Variants in NDST3 observed in about 807,000 individuals in gnomAD.
NDST3 encodes the protein N-deacetylase and N-sulfotransferase 3.
A neutral mutation model predicts 96.1 loss-of-function variants in NDST3; 58 were observed. The ratio of observed to expected loss-of-function variants is 0.60; its 90% CI spans 0.49 to 0.75. The LOEUF is 0.75. NDST3 is among the 30% of genes least tolerant of loss of function. NDST3 has a pLI of 0.00. For missense variants in NDST3, 788 were observed against 1,034.2 expected, an observed-to-expected ratio of 0.76 and a Z score of 3.27; for synonymous variants, 333 against 359.7, an observed-to-expected ratio of 0.93 and a Z score of 0.84.
chr4:118,197,739 C>G (rs1399068451), intron 6 of NDST3, among the ~76,000 whole-genome samples: 1 of 148,296 alleles, frequency 6.7e-6, no homozygotes, highest in Non-Finnish European at 1.5e-5. Flanking sequence ...ATCATTGGGT[C>G]TCAGTTTTTG....
In NDST3 at chr4:118,237,513, C is replaced by G. The variant is rs541735967; in HGVS notation, c.2118+293C>G. 1.3e-4 allele frequency among the ~76,000 whole-genome samples: 20 copies of G among 152,128 alleles called. No individual in the cohort carries two copies. In the South Asian group the frequency reaches 3.7e-3, roughly 28 times the overall value. On this transcript the variant is annotated intron_variant, in intron 10 of 13. Coordinates refer to ENST00000296499, the MANE Select transcript of NDST3 (RefSeq NM_004784.3). The stretch of plus-strand genomic sequence containing the variant: ...TATGTACTTTTTTATATCTATGCCT[C>G]TATATATCTGCATTTTAAGGTAATA...
Position 118,143,685 on chromosome 4 carries a change from G to A in NDST3, c.1539+1G>A, listed in dbSNP as rs535128415. 3 of 1,582,372 alleles carry A rather than the reference G, an allele frequency of 1.9e-6. No individual in the cohort carries two copies. The highest frequency in any genetic ancestry group is 2.8e-5 in the African/African-American group (2 of 72,592). ...TTTCTTCACTGTCGTCCTCAACCCT[G>A]TAAGTACTTTATTCTCCAAATAAAT... On this transcript the variant is annotated splice_donor_variant, in intron 6 of 13. Transcript: ENST00000296499. LOFTEE classifies it high-confidence loss of function.
intron 2 of NDST3, among the ~76,000 whole-genome samples, chr4:118,080,527 C>G (rs1239067955): frequency 6.6e-6 from 1 of 152,098 alleles, no homozygotes; most frequent in Non-Finnish European, 1.5e-5. Context: ...TTATTTCACT[C>G]TTTATTTTTA....
intron 1 of NDST3, among the ~76,000 whole-genome samples, chr4:118,049,677 T>A (rs7662255): frequency 0.64 from 96,515 of 150,792 alleles, 34,194 homozygotes; most frequent in South Asian, 0.83. Context: ...TCATTAAGAG[T>A]TTGAAACTCT....
Position 118,240,507 on chromosome 4 carries a change from C to G in NDST3, c.2119-17C>G, listed in dbSNP as rs1303305204. 1 of 1,571,686 alleles carries G rather than the reference C, an allele frequency of 6.4e-7. No individual in the cohort carries two copies. The highest frequency in any genetic ancestry group is 8.7e-7 in the Non-Finnish European group (1 of 1,156,002). The stretch of plus-strand genomic sequence containing the variant: ...CTACGGTTCAGATTAGTTTAATTAT[C>G]CACCTTTTCATCATAGCATCAGCGA... On this transcript the variant is annotated splice_polypyrimidine_tract_variant and intron_variant, in intron 10 of 13. Coordinates refer to ENST00000296499, the MANE Select transcript of NDST3 (RefSeq NM_004784.3).
chr4:118,142,307 T>A (rs1733628806), intron 5 of NDST3, among the ~76,000 whole-genome samples: 1 of 151,920 alleles, frequency 6.6e-6, no homozygotes, highest in South Asian at 2.1e-4. Flanking sequence ...TATATAGAGT[T>A]TTTATTTATG....
chr4:118,081,651 T>C (rs185352708), intron 2 of NDST3, among the ~76,000 whole-genome samples: 95 of 152,270 alleles, frequency 6.2e-4, no homozygotes, highest in African/African-American at 2.2e-3. Flanking sequence ...CCCCAGAGGA[T>C]GAACTGTGCT....
chr4:118,068,738 G>A (rs1234100285), intron 2 of NDST3, among the ~76,000 whole-genome samples: 1 of 151,940 alleles, frequency 6.6e-6, no homozygotes, highest in Non-Finnish European at 1.5e-5. Context: ...ATGAAGACCT[G>A]GGTCCTATTA....
intron 8 of NDST3, among the ~76,000 whole-genome samples, chr4:118,229,004 A>T (rs1180114313): frequency 6.6e-6 from 1 of 152,222 alleles, no homozygotes; most frequent in Non-Finnish European, 1.5e-5. Flanking sequence ...TACTTTTGTC[A>T]AAAGTATTTT....
chr4:118,059,926 T>A (rs1056519535), intron 2 of NDST3, among the ~76,000 whole-genome samples: 4 of 152,186 alleles, frequency 2.6e-5, no homozygotes, highest in African/African-American at 9.6e-5. Context: ...TCTTATTTAC[T>A]GATATTCATT....
intron 2 of NDST3, among the ~76,000 whole-genome samples, chr4:118,070,469 C>G (rs1485802057): frequency 6.6e-6 from 1 of 152,014 alleles, no homozygotes; most frequent in East Asian, 1.9e-4. Context: ...CATTATCCAT[C>G]TGTTATATAA....
chr4:118,043,368 T>C (rs1724579000), intron 1 of NDST3, among the ~76,000 whole-genome samples: 1 of 152,242 alleles, frequency 6.6e-6, no homozygotes, highest in South Asian at 2.1e-4. Flanking sequence ...AGTGGTGCAA[T>C]GATAGGCAAA....
chr4:118,036,351 C>T (rs1724149314), intron 1 of NDST3, among the ~76,000 whole-genome samples: 1 of 152,044 alleles, frequency 6.6e-6, no homozygotes, highest in African/African-American at 2.4e-5. Flanking sequence ...GATTTATATA[C>T]ACTATAAAAT....
chr4:118,186,873 T>G (rs79185872), intron 6 of NDST3, among the ~76,000 whole-genome samples: 7,266 of 152,278 alleles, frequency 0.048, 249 homozygotes, highest in South Asian at 0.078. Flanking sequence ...GTCACACATT[T>G]CTTTAAGCTT....
intron 2 of NDST3, among the ~76,000 whole-genome samples, chr4:118,099,701 G>A (rs931350727): frequency 1.3e-5 from 2 of 152,020 alleles, no homozygotes; most frequent in African/African-American, 4.8e-5. Context: ...GTGTAGGTAG[G>A]TCAAATAGTA....
chr4:118,033,331 G>GC (rs1723977389), upstream of NDST3, among the ~76,000 whole-genome samples: 1 of 152,156 alleles, frequency 6.6e-6, no homozygotes, highest in Non-Finnish European at 1.5e-5. Context: ...CACCCTTCCA[G>GC]CGTCGCCTCG....
chr4:118,054,109 G>A lies in NDST3; in HGVS notation c.199G>A (p.Ala67Thr), dbSNP rs756374866. 21 of 1,612,906 alleles carry A rather than the reference G, an allele frequency of 1.3e-5. No individual in the cohort carries two copies. The highest frequency in any genetic ancestry group is 5.5e-5 in the South Asian group (5 of 91,020). ...ACCATATCAACTAATGGAAGTGAAAGCAATGAAGCTTTTTGATGCCTCAAG... is the reference window on the plus strand; with the variant it reads ...ACCATATCAACTAATGGAAGTGAAAACAATGAAGCTTTTTGATGCCTCAAG... Reference protein sequence around the residue: ...HLPYQLMEVKAMKLFDASRTD... With the variant: ...HLPYQLMEVKTMKLFDASRTD... Residue 67 changes from alanine (A) to threonine (T), a missense_variant, in exon 2 of 14, where the codon GCA (alanine) becomes ACA (threonine). Physicochemically the swap from Ala to Thr is moderately conservative, Grantham distance 58 (BLOSUM62 0). Around this residue, in one of 3 missense-constraint regions of NDST3, gnomAD observed 234 missense variants for 256.9 expected, o/e 0.91. Transcript: ENST00000296499.
intron 6 of NDST3, among the ~76,000 whole-genome samples, chr4:118,153,778 C>T (rs561904869): frequency 5.3e-5 from 8 of 152,116 alleles, no homozygotes; most frequent in Admixed American, 2.0e-4. Context: ...GAGCCGAAAT[C>T]GCACCACTGC....
chr4:118,235,577 GCT>G (rs1740585785), intron 9 of NDST3, among the ~76,000 whole-genome samples: 1 of 152,136 alleles, frequency 6.6e-6, no homozygotes, highest in Non-Finnish European at 1.5e-5. Context: ...TAAAATTTCT[GCT>G]CTTTTGTGTG....
Sources: gnomAD v4.1 joint callset for allele counts (sites outside exome capture counted in the v4.1 genomes callset) on GRCh38, gnomAD v4.1.1 for gene constraint, gnomAD v4.1.1 regional missense constraint, MANE v1.5 for transcripts, NCBI Gene and HGNC (gene_info 2026-07-23, HGNC 2026-07-21) for gene names.